Variants in MPP7 observed in about 807,000 individuals in gnomAD.
MPP7 encodes MAGUK p55 subfamily member 7.
In MPP7, 60 loss-of-function variants were observed where a neutral mutation model predicts 76.5. The ratio of observed to expected loss-of-function variants is 0.78; its 90% CI spans 0.64 to 0.97. The LOEUF (loss-of-function observed/expected upper bound fraction) is 0.97. Ranked by LOEUF, MPP7 falls within the 50% of genes least tolerant of loss-of-function variation. MPP7 has a pLI of 0.00. For synonymous variants in MPP7, 237 were observed against 244.5 expected (o/e 0.97, Z 0.29); for missense variants, 641 against 694.0 (o/e 0.92, Z 0.86).
intron 1 of MPP7, among the ~76,000 whole-genome samples, chr10:28,255,418 T>C (rs1161246049): frequency 6.8e-6 from 1 of 148,078 alleles, no homozygotes; most frequent in African/African-American, 2.5e-5. Flanking sequence ...CCCACCTTTT[T>C]CTTTTTTTTT....
At chr10:28,259,798 T>C (rs926120491) in intron 1 of MPP7, among the ~76,000 whole-genome samples, 4 of 151,820 alleles carry the variant, frequency 2.6e-5, no homozygotes, top group African/African-American at 7.3e-5. Flanking sequence ...GTGGGCAACA[T>C]GACAAAATCC....
intron 1 of MPP7, among the ~76,000 whole-genome samples, chr10:28,286,492 AAAG>A (rs1282724722): frequency 6.6e-6 from 1 of 152,232 alleles, no homozygotes; most frequent in Non-Finnish European, 1.5e-5. Flanking sequence ...AGTAATAAGC[AAAG>A]AAGAAGCTGG....
intron 3 of MPP7, among the ~76,000 whole-genome samples, chr10:28,197,422 A>AT (rs1194084082): frequency 1.5e-4 from 23 of 152,160 alleles, no homozygotes; most frequent in African/African-American, 5.3e-4. Flanking sequence ...ACCTCAAGTG[A>AT]TCCACCTGCC....
chr10:28,063,984 A>T (rs955215806), intron 13 of MPP7, among the ~76,000 whole-genome samples: 3 of 152,212 alleles, frequency 2.0e-5, no homozygotes, highest in Admixed American at 6.5e-5. Flanking sequence ...CACATACGCT[A>T]CTAGAGGTTT....
intron 2 of MPP7, among the ~76,000 whole-genome samples, chr10:28,232,379 A>G (rs78614059): frequency 8.1e-6 from 1 of 123,578 alleles, no homozygotes; most frequent in South Asian, 2.7e-4. Context: ...ACACACACAC[A>G]CACACACACA....
chr10:28,281,914 G>A (rs1216919130), intron 1 of MPP7: 2 of 152,098 alleles, frequency 1.3e-5, no homozygotes, highest in Non-Finnish European at 2.9e-5. Context: ...GCCGAGGGCA[G>A]TGTACACCAA....
chr10:28,268,563 C>T (rs1840219179), intron 1 of MPP7, among the ~76,000 whole-genome samples: 2 of 152,004 alleles, frequency 1.3e-5, no homozygotes, highest in African/African-American at 4.8e-5. Flanking sequence ...GAAACCCCGT[C>T]TCTACTAAAA....
At chr10:28,228,784 G>GA (rs992425068) in intron 2 of MPP7, among the ~76,000 whole-genome samples, 1 of 151,454 alleles carries the variant, frequency 6.6e-6, no homozygotes, top group African/African-American at 2.4e-5. Flanking sequence ...AAAAAGAAAA[G>GA]AAAAAAAACT....
At chr10:28,305,731 C>A (rs1841250205), upstream of MPP7, 1 of 152,208 alleles carries the variant, frequency 6.6e-6, no homozygotes, top group South Asian at 2.1e-4. Context: ...AAAGCCATTG[C>A]ATAACCAGTC....
chr10:28,281,260 T>C (rs570122855), intron 1 of MPP7, among the ~76,000 whole-genome samples: 17 of 152,112 alleles, frequency 1.1e-4, no homozygotes, highest in African/African-American at 4.1e-4. Context: ...TTGTATTTTT[T>C]GTATTTTTAG....
chr10:28,242,102 T>C (rs926349626), intron 1 of MPP7, among the ~76,000 whole-genome samples: 6 of 152,230 alleles, frequency 3.9e-5, no homozygotes, highest in Admixed American at 2.6e-4. Flanking sequence ...ACAGTTAATA[T>C]ATATCAACAA....
intron 6 of MPP7, among the ~76,000 whole-genome samples, chr10:28,127,026 T>C (rs1835038886): frequency 6.6e-6 from 1 of 152,146 alleles, no homozygotes; most frequent in Non-Finnish European, 1.5e-5. Flanking sequence ...GAACTCCAAG[T>C]GAGAACCTCC....
At chr10:28,087,409 T>C (rs1346586425) in intron 12 of MPP7, among the ~76,000 whole-genome samples, 2 of 152,196 alleles carry the variant, frequency 1.3e-5, no homozygotes. Context: ...TTCTTTCTTT[T>C]TTTAATTAGA....
At chr10:28,057,602 C>CTTTT (rs1564608908) in intron 15 of MPP7, 1 of 311,472 alleles carries the variant, frequency 3.2e-6, no homozygotes, top group African/African-American at 3.7e-5. Context: ...GCCAATTAAA[C>CTTTT]CTCTTTTTTT....
At position 28,125,015 on chromosome 10, in the gene MPP7, C is replaced by G; in HGVS notation, c.524G>C (p.Arg175Thr). 6.2e-7 allele frequency: 1 copy of G among 1,613,864 alleles called. No homozygotes were observed. Among genetic ancestry groups the G allele is most frequent in the African/African-American group, 1.3e-5 (1 of 75,018 alleles). The change falls in exon 7 of 17, where the codon AGA becomes ACA. Residue 175 changes from arginine to threonine, a missense_variant. Physicochemically the swap from Arg to Thr is moderately conservative, Grantham distance 71 (BLOSUM62 -1). Transcript: ENST00000683449. ...GTTAACATTTAAAGTCTCACCACTTCTATCTGCAGCTCCTCCTCTCATGAT... is the reference window on the plus strand; with the variant it reads ...GTTAACATTTAAAGTCTCACCACTTGTATCTGCAGCTCCTCCTCTCATGAT... ...ARIMRGGAADRSGLIHVGDEL... is the reference protein window; with the variant it reads ...ARIMRGGAADTSGLIHVGDEL...
intron 2 of MPP7, among the ~76,000 whole-genome samples, chr10:28,323,186 G>T (rs1325854361): frequency 6.6e-6 from 1 of 152,146 alleles, no homozygotes; most frequent in Non-Finnish European, 1.5e-5. Flanking sequence ...TCAGGAGGCT[G>T]AGGCAGGAGA....
rs1193183210 is a variant in MPP7 at position 28,051,889 on chromosome 10, A to AT, written c.*2175_*2176insA. 2 of 151,608 alleles carry AT rather than the reference A, an allele frequency of 1.3e-5. No homozygotes were observed. The highest frequency in any genetic ancestry group is 4.8e-5 in the African/African-American group (2 of 41,314). 9.4% of individuals were successfully genotyped at this position (151,608 alleles called of 1,614,324 possible). On this transcript the variant is annotated 3_prime_UTR_variant, in exon 17 of 17. Coordinates refer to ENST00000683449, the MANE Select transcript of MPP7 (RefSeq NM_001318170.2). ...CAACATGGCAAGACCCTGTCTCAAAAAAAAAAAAAAAAGTATACTACCTGA... is the reference window on the plus strand; with the variant it reads ...CAACATGGCAAGACCCTGTCTCAAAATAAAAAAAAAAAAGTATACTACCTGA...
At chr10:28,210,082 T>C (rs955229981) in intron 2 of MPP7, among the ~76,000 whole-genome samples, 5 of 152,188 alleles carry the variant, frequency 3.3e-5, no homozygotes, top group Admixed American at 1.3e-4. Flanking sequence ...TACTTACTTA[T>C]ACTGCAGCCC....
intron 2 of MPP7, among the ~76,000 whole-genome samples, chr10:28,317,428 G>A (rs1388334843): frequency 6.6e-6 from 1 of 152,122 alleles, no homozygotes; most frequent in African/African-American, 2.4e-5. Flanking sequence ...CTACTTGCGA[G>A]GCTGAGGCAG....
Sources: gnomAD v4.1 joint callset for allele counts (sites outside exome capture counted in the v4.1 genomes callset) on GRCh38, gnomAD v4.1.1 for gene constraint, MANE v1.5 for transcripts, NCBI Gene and HGNC (gene_info 2026-07-23, HGNC 2026-07-21) for gene names.